Variants in PABPC1L observed in about 807,000 individuals in gnomAD.
PABPC1L encodes polyadenylate-binding protein 1-like.
A neutral mutation model predicts 66.6 loss-of-function variants in PABPC1L; 31 were observed. The observed-to-expected ratio is 0.47, with a 90% CI of 0.35 to 0.63. The LOEUF is 0.63. Among genes scored for constraint, PABPC1L ranks in the 20% least tolerant of loss-of-function variants. The pLI is 0.00. For missense variants in PABPC1L, 722 were observed against 848.8 expected (o/e 0.85, Z 1.86); for synonymous variants, 348 against 335.1 (o/e 1.04, Z -0.42).
In PABPC1L at chr20:44,935,495, C is replaced by A; in HGVS notation, c.1564C>A (p.Arg522=). ...KCSSAAHSTY[R]VQEPAVHIPG... is the part of the protein sequence containing the mutation. ...TTCCTCAGCAGCACATAGCACCTAT[C>A]GGGTAAGGCCAGCCCAGCTGCCTGC... The change falls in exon 11 of 15, where the codon CGG becomes AGG. Residue 522 remains arginine, a splice_region_variant and synonymous_variant. Transcript: ENST00000217073. 1 of 1,613,898 alleles carries A rather than the reference C, an allele frequency of 6.2e-7. No individual in the cohort carries two copies. Among genetic ancestry groups the A allele is most frequent in the Non-Finnish European group, 8.5e-7 (1 of 1,179,912 alleles).
chr20:44,938,723 C>T lies in PABPC1L; in HGVS notation c.1841C>T (p.Pro614Leu), dbSNP rs745520980. 1.1e-5 allele frequency: 18 copies of T among 1,611,746 alleles called. No individual in the cohort carries two copies. The South Asian group carries it at 1.7e-4, about 15-fold the overall frequency. Residue 614 changes from proline to leucine, a missense_variant, in exon 14 of 15, where the codon CCG (proline) becomes CTG (leucine). Pro to Leu is a moderately conservative substitution (Grantham distance 98). This residue lies in a region of PABPC1L where 301 missense variants were observed against 337.2 expected (regional missense o/e 0.89). Transcript: ENST00000217073. ...VLQAHQAMEQ[P>L]KAYMH ...CAGGCACACCAGGCTATGGAGCAGC[C>T]GAAGGCGTACATGCACTGAAACCAG...
At chr20:44,914,988 G>A (rs1354811868) in intron 2 of PABPC1L, among the ~76,000 whole-genome samples, 1 of 152,200 alleles carries the variant, frequency 6.6e-6, no homozygotes, top group African/African-American at 2.4e-5. Flanking sequence ...AGTATGTAAT[G>A]CCCTTAGCAG....
In PABPC1L at chr20:44,938,933, G is replaced by A. The variant is rs539134328; in HGVS notation, c.*6+185G>A. On this transcript the variant is annotated intron_variant, in intron 14 of 14. Coordinates refer to ENST00000217073, the MANE Select transcript of PABPC1L (RefSeq NM_001372179.1). Reference sequence around the variant, plus strand: ...AACTGTGATCGGAATGGGGGGTGGTGGAGGGTGAAGGAGGTGCCCTCTTGC... The same window carrying A: ...AACTGTGATCGGAATGGGGGGTGGTAGAGGGTGAAGGAGGTGCCCTCTTGC... 6.6e-4 allele frequency among the ~76,000 whole-genome samples: 101 copies of A among 152,356 alleles called. 2 individuals are homozygous for A. In the South Asian group the frequency reaches 0.019, roughly 29 times the overall value.
At chr20:44,925,687 A>G (rs575802168) in intron 7 of PABPC1L, among the ~76,000 whole-genome samples, 2 of 152,304 alleles carry the variant, frequency 1.3e-5, no homozygotes, top group South Asian at 4.1e-4. Flanking sequence ...GTTTGGAGGA[A>G]AAAAGGTTGT....
At position 44,919,929 on chromosome 20, in the gene PABPC1L, A is replaced by G. The variant is rs964456190; in HGVS notation, c.738+652A>G. 1.2e-4 allele frequency among the ~76,000 whole-genome samples: 19 copies of G among 152,182 alleles called. 1 individual carries two copies. The highest frequency in any genetic ancestry group is 4.6e-4 in the African/African-American group (19 of 41,432). On this transcript the variant is annotated intron_variant, in intron 5 of 14. Transcript: ENST00000217073. The stretch of plus-strand genomic sequence containing the variant: ...CCATTATGAGAGAATTATGCTTGCT[A>G]CTTTGTTCAAATTATCCATGTGTAG...
At position 44,927,932 on chromosome 20, in the gene PABPC1L, G is replaced by A. The variant is rs536705926; in HGVS notation, c.973-2528G>A. On this transcript the variant is annotated intron_variant, in intron 7 of 14. Transcript: ENST00000217073. ...TTCCGCCTCTGCTTCCCAAAAATAGGCATGAGCCACCAAACCTGGCCCTAA... is the reference window on the plus strand; with the variant it reads ...TTCCGCCTCTGCTTCCCAAAAATAGACATGAGCCACCAAACCTGGCCCTAA... 2.3e-3 allele frequency among the ~76,000 whole-genome samples: 347 copies of A among 152,056 alleles called. 2 individuals are homozygous for A. Among genetic ancestry groups the A allele is most frequent in the Non-Finnish European group, 3.0e-3 (206 of 67,988 alleles).
At chr20:44,910,453 A>G in intron 1 of PABPC1L, 117 bp downstream of exon 1, 1 of 1,200,326 alleles carries the variant, frequency 8.3e-7, no homozygotes, top group Non-Finnish European at 1.1e-6. Flanking sequence ...GGGGAAACTG[A>G]GGCTCAAAGA....
intron 7 of PABPC1L, among the ~76,000 whole-genome samples, chr20:44,927,422 A>G (rs2066817826): frequency 1.3e-5 from 2 of 151,572 alleles, no homozygotes; most frequent in South Asian, 4.2e-4. Context: ...ATCTTAGCTC[A>G]CTGTAACCTT....
chr20:44,938,828 T>G, intron 14 of PABPC1L, 80 bp downstream of exon 14: 1 of 1,368,580 alleles, frequency 7.3e-7, no homozygotes, highest in Non-Finnish European at 1.0e-6. Flanking sequence ...TCACAAACAC[T>G]GAGAATTGCG....
intron 7 of PABPC1L, among the ~76,000 whole-genome samples, chr20:44,928,703 C>CA (rs1386434386): frequency 6.6e-6 from 1 of 151,256 alleles, no homozygotes; most frequent in Non-Finnish European, 1.5e-5. Context: ...CTCATCTTTA[C>CA]AAAAAATGAA....
In PABPC1L at chr20:44,910,211, C is replaced by G. The variant is rs901919302; in HGVS notation, c.68C>G (p.Thr23Ser). The G allele has an allele frequency of 3.2e-6, 5 of 1,579,752 alleles. No individual in the cohort carries two copies. Among genetic ancestry groups the G allele is most frequent in the Non-Finnish European group, 4.3e-6 (5 of 1,163,142 alleles). Residue 23 changes from threonine to serine, a missense_variant, in exon 1 of 15, where the codon ACC becomes AGC. Coordinates refer to ENST00000217073, the MANE Select transcript of PABPC1L (RefSeq NM_001372179.1). The part of the protein sequence containing the change: ...LYVGDLHPDV[T>S]EAMLYEKFSP... ...GTGGGCGATCTGCACCCCGACGTGA[C>G]CGAGGCCATGCTCTATGAGAAGTTC...
Position 44,933,152 on chromosome 20 carries a change from G to A in PABPC1L, c.1426G>A (p.Val476Met), listed in dbSNP as rs370197599. Residue 476 changes from valine (V) to methionine (M), a missense_variant, in exon 10 of 15, where the codon GTG becomes ATG. Val to Met is a conservative substitution (Grantham distance 21). This residue lies in a region of PABPC1L where 301 missense variants were observed against 337.2 expected (regional missense o/e 0.89). Transcript: ENST00000217073. ...ISSVRQASTQ[V>M]PRTVPHTQRV... ...CAGTGTCAGGCAGGCCTCCACCCAG[G>A]TGCCACGCACGGTGCCTCATACCCA... 98 of 1,609,480 alleles carry A rather than the reference G, an allele frequency of 6.1e-5. No homozygotes were observed. Among genetic ancestry groups the A allele is most frequent in the Non-Finnish European group, 8.1e-5 (95 of 1,178,598 alleles).
At chr20:44,917,258 C>T (rs1430466079) in intron 3 of PABPC1L, among the ~76,000 whole-genome samples, 1 of 152,124 alleles carries the variant, frequency 6.6e-6, no homozygotes, top group African/African-American at 2.4e-5. Flanking sequence ...ACACAGCTCA[C>T]TGCAGCCTTG....
chr20:44,921,847 C>A, intron 6 of PABPC1L, 116 bp downstream of exon 6: 3 of 1,488,130 alleles, frequency 2.0e-6, no homozygotes, highest in East Asian at 2.3e-5. Flanking sequence ...TGGCTCAAGG[C>A]GGGAATTGAA....
rs767457482 is a variant in PABPC1L at position 44,938,655 on chromosome 20, C to T, written c.1792-19C>T. On this transcript the variant is annotated intron_variant, in intron 13 of 14. Transcript: ENST00000217073. ...CTAAGATAGCTGCACTAAGCCCCCC[C>T]GCCACTCATGTCTCACAGATAGACG... 20 of 1,594,914 alleles carry T rather than the reference C, an allele frequency of 1.3e-5. No homozygotes were observed. Among genetic ancestry groups the T allele is most frequent in the Middle Eastern group, 1.7e-4 (1 of 6,052 alleles).
chr20:44,930,644 T>C lies in PABPC1L; in HGVS notation c.1157T>C (p.Leu386Pro), dbSNP rs1379186522. The C allele has an allele frequency of 1.2e-6, 2 of 1,614,040 alleles. 1 individual carries two copies. Among genetic ancestry groups the C allele is most frequent in the African/African-American group, 2.7e-5 (2 of 74,918 alleles). ...AILTNQYMQR[L>P]STMRTLSNPL... ...TTGACCAACCAGTACATGCAGCGCC[T>C]CTCCACCATGCGGACCCTGAGCAAC... Residue 386 changes from leucine to proline, a missense_variant, in exon 8 of 15, where the codon CTC becomes CCC. Around this residue, in one of 3 missense-constraint regions of PABPC1L, gnomAD observed 301 missense variants for 337.2 expected, o/e 0.89. Transcript: ENST00000217073.
chr20:44,922,072 G>T (rs2066778167), intron 6 of PABPC1L, among the ~76,000 whole-genome samples: 1 of 152,250 alleles, frequency 6.6e-6, no homozygotes, highest in South Asian at 2.1e-4. Context: ...ATTGCCAGAT[G>T]CCCCTAGAGG....
rs1316683519 is a variant in PABPC1L at position 44,916,838 on chromosome 20, C to A, written c.470C>A (p.Thr157Asn). The change falls in exon 3 of 15, where the codon ACC becomes AAC. Residue 157 changes from threonine to asparagine, a missense_variant. Physicochemically the swap from Thr to Asn is moderately conservative, Grantham distance 65 (BLOSUM62 0). This residue lies in a region of PABPC1L where 284 missense variants were observed against 294.8 expected (regional missense o/e 0.96). Coordinates refer to ENST00000217073, the MANE Select transcript of PABPC1L (RefSeq NM_001372179.1). ...GAGGCCGCACAGCAGGCCATCAACACCATGAATGGGATGCTGCTGAATGAC... is the reference window on the plus strand; with the variant it reads ...GAGGCCGCACAGCAGGCCATCAACAACATGAATGGGATGCTGCTGAATGAC... ...THEAAQQAIN[T>N]MNGMLLNDRK... 9.3e-6 allele frequency: 15 copies of A among 1,614,072 alleles called. No individual in the cohort carries two copies. Among genetic ancestry groups the A allele is most frequent in the Non-Finnish European group, 1.1e-5 (13 of 1,180,042 alleles).
At chr20:44,916,686 C>A in intron 2 of PABPC1L, 70 bp from the exon 3 acceptor site, 2 of 1,433,590 alleles carry the variant, frequency 1.4e-6, no homozygotes, top group Non-Finnish European at 2.0e-6. Flanking sequence ...TGGTCGTGAT[C>A]ACCTTTGCCA....
Sources: allele counts gnomAD v4.1 joint callset (sites outside exome capture counted in the v4.1 genomes callset), GRCh38; gene constraint gnomAD v4.1.1; regional missense constraint gnomAD v4.1.1; transcripts MANE v1.5; gene names NCBI Gene and HGNC (gene_info 2026-07-23, HGNC 2026-07-21).